The following PCDHA8 variants were observed in gnomAD, a reference collection of about 807,000 sequenced individuals.
PCDHA8 encodes the protein protocadherin alpha-8.
In PCDHA8, 53 loss-of-function variants were observed where a neutral mutation model predicts 61.8. The observed-to-expected ratio is 0.86, with a 90% confidence interval of 0.69 to 1.08. The LOEUF (loss-of-function observed/expected upper bound fraction) is 1.08. PCDHA8 is among the 50% of genes least tolerant of loss of function. The pLI, the probability that PCDHA8 is intolerant of heterozygous loss-of-function variation, is 0.00. For missense variants in PCDHA8, 1,293 were observed against 1,245.0 expected (o/e 1.04, Z -0.58); for synonymous variants, 618 against 556.6 (o/e 1.11, Z -1.55).
At chr5:140,968,639 G>T (rs1278507600) in intron 1 of PCDHA8, 1 of 1,614,150 alleles carries the variant, frequency 6.2e-7, no homozygotes, top group Non-Finnish European at 8.5e-7. Context: ...TTACCATCTA[G>T]CCCAGACTTC....
chr5:140,867,666 C>T (rs2050094280), intron 1 of PCDHA8: 1 of 152,038 alleles, frequency 6.6e-6, no homozygotes, highest in Non-Finnish European at 1.5e-5. Context: ...ACTTTCTACT[C>T]TAAAATTTTG....
intron 1 of PCDHA8, chr5:140,848,677 C>T: frequency 6.3e-7 from 1 of 1,592,256 alleles, no homozygotes; most frequent in Non-Finnish European, 8.6e-7. Context: ...GAGCTGGTGC[C>T]GCGCCTGTTC....
In PCDHA8 at chr5:141,010,363, G is replaced by A; in HGVS notation, c.*426G>A. On this transcript the variant is annotated 3_prime_UTR_variant, in exon 4 of 4. Coordinates refer to ENST00000531613, the MANE Select transcript of PCDHA8 (RefSeq NM_018911.3). ...CACTGGGTATGTGTGGCTACCGCGG[G>A]TATGCGAGTGCCAGATATTGGCTGA... 7 of 1,480,446 alleles carry A rather than the reference G, an allele frequency of 4.7e-6. No homozygotes were observed. The highest frequency in any genetic ancestry group is 5.4e-6 in the Non-Finnish European group (6 of 1,112,646). 91.7% of individuals were successfully genotyped at this position (1,480,446 alleles called of 1,614,324 possible). A position where few individuals can be genotyped will look rare whatever the true frequency, so the allele number is the denominator to read the frequency against.
At position 141,012,295 on chromosome 5, in the gene PCDHA8, T is replaced by C. The variant is rs2098423507; in HGVS notation, c.*2358T>C. ...GTCATGTGGATTCATTTTGAATTGG[T>C]GCTATTGGTATTTCCTCTGTTATTG... On this transcript the variant is annotated 3_prime_UTR_variant, in exon 4 of 4. Coordinates refer to ENST00000531613, the MANE Select transcript of PCDHA8 (RefSeq NM_018911.3). 6.5e-6 allele frequency: 1 copy of C among 153,776 alleles called. No homozygotes were observed. The highest frequency in any genetic ancestry group is 2.4e-5 in the African/African-American group (1 of 41,466). 9.5% of individuals were successfully genotyped at this position (153,776 alleles called of 1,614,324 possible).
chr5:140,934,262 TAATC>T (rs1554209807), intron 1 of PCDHA8, among the ~76,000 whole-genome samples: 1 of 152,136 alleles, frequency 6.6e-6, no homozygotes, highest in Non-Finnish European at 1.5e-5. Flanking sequence ...AAATTAATAA[TAATC>T]AGTGCTTCAT....
At chr5:141,004,597 C>CTTAG (rs1554259623) in intron 3 of PCDHA8, among the ~76,000 whole-genome samples, 1 of 152,218 alleles carries the variant, frequency 6.6e-6, no homozygotes, top group African/African-American at 2.4e-5. Flanking sequence ...GATGACAGTG[C>CTTAG]TTAGGCCTCA....
intron 1 of PCDHA8, among the ~76,000 whole-genome samples, chr5:140,873,350 A>G (rs251374): frequency 0.7 from 106,869 of 152,104 alleles, 38,096 homozygotes; most frequent in African/African-American, 0.82. Context: ...TCCAGATGAA[A>G]TTTTTGGAAT....
intron 1 of PCDHA8, among the ~76,000 whole-genome samples, chr5:140,895,123 T>C (rs1583185390): frequency 6.6e-6 from 1 of 152,300 alleles, no homozygotes; most frequent in East Asian, 1.9e-4. Flanking sequence ...CATTTGTTAG[T>C]TGACAAGTTC....
chr5:140,902,044 A>AT (rs1222362795), intron 1 of PCDHA8, among the ~76,000 whole-genome samples: 6 of 152,016 alleles, frequency 3.9e-5, no homozygotes, highest in Non-Finnish European at 5.9e-5. Flanking sequence ...TTGTATGTTG[A>AT]TTTTGTATCC....
At chr5:140,976,330 T>C (rs139191853) in intron 1 of PCDHA8, among the ~76,000 whole-genome samples, 1 of 152,088 alleles carries the variant, frequency 6.6e-6, no homozygotes, top group Non-Finnish European at 1.5e-5. Flanking sequence ...GAGGGTGGAT[T>C]GCCTGAGGTC....
At chr5:140,884,446 G>C in intron 1 of PCDHA8, 1 of 1,613,770 alleles carries the variant, frequency 6.2e-7, no homozygotes, top group Non-Finnish European at 8.5e-7. Context: ...GCTCGGCACC[G>C]CCCACCGAGG....
rs2043467325 is a variant in PCDHA8 at position 140,855,436 on chromosome 5, G to C, written c.2394+11721G>C. Among the ~76,000 whole-genome samples the C allele has an allele frequency of 2.7e-5, 4 of 149,868 alleles. No homozygotes were observed. In the South Asian group the frequency reaches 8.4e-4, roughly 32 times the overall value. ...GATCTCTAAATTCTAGTGATGACTA[G>C]ATCTTCGGAGTTATAAACACCTCAC... On this transcript the variant is annotated intron_variant, in intron 1 of 3. Transcript: ENST00000531613.
At chr5:140,876,361 C>A in intron 1 of PCDHA8, 1 of 1,613,880 alleles carries the variant, frequency 6.2e-7, no homozygotes. Flanking sequence ...TTCAATAAAT[C>A]CAGACACAGG....
Position 140,946,631 on chromosome 5 carries a change from T to TATATACAC in PCDHA8, c.2395-32317_2395-32316insTATACACA, listed in dbSNP as rs57893927. Among the ~76,000 whole-genome samples, 48 of 131,820 alleles carry TATATACAC rather than the reference T, an allele frequency of 3.6e-4. 1 individual carries two copies. Among genetic ancestry groups the TATATACAC allele is most frequent in the South Asian group, 8.9e-4 (4 of 4,516 alleles). The allele number at this position is 131,820 out of a possible 152,430, so 86.5% of individuals were successfully genotyped here. A position where few individuals can be genotyped will look rare whatever the true frequency, so the allele number is the denominator to read the frequency against. ...TGTGAAATATATATATATATATATA[T>TATATACAC]ACAATGGAATACTCATCAGCCATTA... is the stretch of plus-strand genomic sequence containing the variant. On this transcript the variant is annotated intron_variant, in intron 1 of 3. Coordinates refer to ENST00000531613, the MANE Select transcript of PCDHA8 (RefSeq NM_018911.3).
At chr5:140,991,563 C>T (rs577838155) in intron 3 of PCDHA8, among the ~76,000 whole-genome samples, 4 of 152,288 alleles carry the variant, frequency 2.6e-5, no homozygotes, top group South Asian at 4.1e-4. Context: ...CCTTTAGTTT[C>T]CAATAACAGG....
intron 1 of PCDHA8, chr5:140,860,013 G>T (rs1218796590): frequency 6.6e-6 from 1 of 151,942 alleles, no homozygotes; most frequent in African/African-American, 2.4e-5. Flanking sequence ...TTAAGGCCAG[G>T]CATGGTGGCT....
intron 1 of PCDHA8, among the ~76,000 whole-genome samples, chr5:140,975,697 AT>A (rs1375810410): frequency 1.3e-5 from 2 of 152,182 alleles, no homozygotes; most frequent in African/African-American, 4.8e-5. Flanking sequence ...TTTTAAACTT[AT>A]TTTACTTTAA....
rs1554213921 is a variant in PCDHA8 at position 140,941,202 on chromosome 5, C to CTTTCTTTCTTTCTTT, written c.2395-37747_2395-37746insTTTCTTTCTTTCTTT. Among the ~76,000 whole-genome samples the CTTTCTTTCTTTCTTT allele has an allele frequency of 5.9e-3, 725 of 122,798 alleles. 27 individuals are homozygous for CTTTCTTTCTTTCTTT. The highest frequency in any genetic ancestry group is 0.024 in the East Asian group (107 of 4,522). The allele number at this position is 122,798 out of a possible 152,430, so 80.6% of individuals were successfully genotyped here. ...TCCTGCTTCTTTTTTTTTCTTTCTTCCTTTCTTTCTTCCTTTCTTTCTTTC... is the reference window on the plus strand; with the variant it reads ...TCCTGCTTCTTTTTTTTTCTTTCTTCTTTCTTTCTTTCTTTCTTTCTTTCTTCCTTTCTTTCTTTC... On this transcript the variant is annotated intron_variant, in intron 1 of 3. Coordinates refer to ENST00000531613, the MANE Select transcript of PCDHA8 (RefSeq NM_018911.3).
intron 1 of PCDHA8, chr5:140,928,370 C>T (rs2085193734): frequency 6.2e-7 from 1 of 1,614,062 alleles, no homozygotes; most frequent in South Asian, 1.1e-5. Context: ...GAAGGGCCAT[C>T]AGCCTCTAGC....
Sources: gnomAD v4.1 joint callset for allele counts (sites outside exome capture counted in the v4.1 genomes callset) on GRCh38, gnomAD v4.1.1 for gene constraint, MANE v1.5 for transcripts, NCBI Gene and HGNC (gene_info 2026-07-23, HGNC 2026-07-21) for gene names.